Variants in SLC24A2 observed in about 807,000 individuals in gnomAD.
SLC24A2 encodes solute carrier family 24 member 2, also known as sodium/potassium/calcium exchanger 2.
A neutral mutation model predicts 62.0 loss-of-function variants in SLC24A2; 36 were observed. The ratio of observed to expected loss-of-function variants is 0.58; its 90% CI spans 0.44 to 0.77. SLC24A2 has a LOEUF of 0.77. SLC24A2 is among the 30% of genes least tolerant of loss of function. SLC24A2 has a pLI of 0.00. For synonymous variants in SLC24A2, 358 were observed against 294.0 expected, an observed-to-expected ratio of 1.22 and a Z score of -2.23; for missense variants, 846 against 817.9, an observed-to-expected ratio of 1.03 and a Z score of -0.42.
At chr9:20,188,602 C>G in the SLC24A2 span, among the ~76,000 whole-genome samples, 3 of 152,106 alleles carry the variant, frequency 2.0e-5, no homozygotes, top group Non-Finnish European at 2.9e-5. Context: ...CTGAAATGAT[C>G]TTGGTGGGCT....
the SLC24A2 span, among the ~76,000 whole-genome samples, chr9:20,154,603 G>C: frequency 6.6e-6 from 1 of 150,994 alleles, no homozygotes; most frequent in Admixed American, 6.6e-5. Context: ...GTAAGGTGTA[G>C]TTATAACCAT....
At chr9:19,727,209 A>G (rs1821197375) in intron 2 of SLC24A2, among the ~76,000 whole-genome samples, 1 of 152,218 alleles carries the variant, frequency 6.6e-6, no homozygotes, top group Non-Finnish European at 1.5e-5. Flanking sequence ...TTAAGTTGAC[A>G]TACATATTAG....
At chr9:19,720,511 T>C (rs920416877) in intron 2 of SLC24A2, among the ~76,000 whole-genome samples, 18 of 152,166 alleles carry the variant, frequency 1.2e-4, no homozygotes, top group African/African-American at 4.3e-4. Context: ...ACACACGGAT[T>C]ATGAGCCCTG....
chr9:20,232,295 G>A, the SLC24A2 span, among the ~76,000 whole-genome samples: 1 of 152,210 alleles, frequency 6.6e-6, no homozygotes, highest in South Asian at 2.1e-4. Flanking sequence ...GATTGGAATA[G>A]TTTCAGAAGG....
intron 2 of SLC24A2, among the ~76,000 whole-genome samples, chr9:19,747,156 TCA>T (rs1306044762): frequency 6.6e-6 from 1 of 152,238 alleles, no homozygotes; most frequent in African/African-American, 2.4e-5. Flanking sequence ...TTTTTAATAT[TCA>T]CACTTACTTG....
At chr9:20,134,092 T>A in the SLC24A2 span, among the ~76,000 whole-genome samples, 1 of 152,046 alleles carries the variant, frequency 6.6e-6, no homozygotes, top group African/African-American at 2.4e-5. Context: ...ATGAAAACTA[T>A]GATATCGATG....
intron 7 of SLC24A2, among the ~76,000 whole-genome samples, chr9:19,572,067 C>T (rs184824590): frequency 2.3e-3 from 342 of 148,476 alleles, no homozygotes; most frequent in Non-Finnish European, 3.8e-3. Context: ...GTCAGAAGTT[C>T]GAGACCAGCC....
At chr9:19,887,100 C>T in the SLC24A2 span, among the ~76,000 whole-genome samples, 14 of 152,068 alleles carry the variant, frequency 9.2e-5, no homozygotes, top group East Asian at 3.9e-4. Context: ...ATGCGTGCTG[C>T]GCTTAATACC....
chr9:19,800,195 G>A, the SLC24A2 span, among the ~76,000 whole-genome samples: 1 of 152,148 alleles, frequency 6.6e-6, no homozygotes, highest in African/African-American at 2.4e-5. Context: ...GGGCATGAAT[G>A]TGGAAGGCAT....
intron 2 of SLC24A2, among the ~76,000 whole-genome samples, chr9:19,671,953 G>A (rs1197309123): frequency 6.8e-6 from 1 of 146,146 alleles, no homozygotes; most frequent in African/African-American, 2.7e-5. Context: ...GGTTTGGTTA[G>A]CTAGTATTTT....
At chr9:19,566,849 C>G (rs1477599112) in intron 7 of SLC24A2, among the ~76,000 whole-genome samples, 6 of 151,860 alleles carry the variant, frequency 4.0e-5, no homozygotes, top group African/African-American at 9.7e-5. Flanking sequence ...TCTCAGCAAA[C>G]TATCGCAAGA....
the SLC24A2 span, among the ~76,000 whole-genome samples, chr9:19,853,955 G>A: frequency 6.6e-6 from 1 of 152,128 alleles, no homozygotes; most frequent in African/African-American, 2.4e-5. Context: ...CTTGTTGGTA[G>A]GCTATGTATT....
the SLC24A2 span, among the ~76,000 whole-genome samples, chr9:20,074,591 A>AAGGG: frequency 1.1e-5 from 1 of 91,968 alleles, no homozygotes; most frequent in Admixed American, 1.2e-4. Context: ...GGAAGGAAGG[A>AAGGG]AGGAAGGAAG....
At chr9:20,168,075 A>C in the SLC24A2 span, among the ~76,000 whole-genome samples, 1 of 152,016 alleles carries the variant, frequency 6.6e-6, no homozygotes, top group South Asian at 2.1e-4. Flanking sequence ...CAAATGGTAC[A>C]GAAAAAATGT....
intron 4 of SLC24A2, among the ~76,000 whole-genome samples, chr9:19,614,065 T>C (rs914001198): frequency 4.6e-5 from 7 of 152,176 alleles, no homozygotes; most frequent in Non-Finnish European, 8.8e-5. Flanking sequence ...TAGGAGAAGA[T>C]ACTTCTCACT....
the SLC24A2 span, among the ~76,000 whole-genome samples, chr9:19,902,964 C>CACT: frequency 6.6e-6 from 1 of 151,852 alleles, no homozygotes; most frequent in Non-Finnish European, 1.5e-5. Flanking sequence ...TTACTCTAGG[C>CACT]AAAGTGAGGA....
chr9:20,082,707 T>C, the SLC24A2 span, among the ~76,000 whole-genome samples: 4 of 152,366 alleles, frequency 2.6e-5, no homozygotes, highest in East Asian at 7.7e-4. Context: ...GCTCTGTGCT[T>C]CCCACCTCTA....
At chr9:19,936,327 A>AG in the SLC24A2 span, among the ~76,000 whole-genome samples, 1 of 152,160 alleles carries the variant, frequency 6.6e-6, no homozygotes, top group African/African-American at 2.4e-5. Context: ...AGGCTGGAGT[A>AG]GGGTGACATG....
At chr9:20,003,495 C>CT in the SLC24A2 span, among the ~76,000 whole-genome samples, 68 of 151,346 alleles carry the variant, frequency 4.5e-4, 2 homozygotes, top group South Asian at 0.013. Flanking sequence ...TCAGGAAATC[C>CT]TTTTTTTTTA....
Sources: gnomAD v4.1 joint callset for allele counts (sites outside exome capture counted in the v4.1 genomes callset) on GRCh38, gnomAD v4.1.1 for gene constraint, MANE v1.5 for transcripts, NCBI Gene and HGNC (gene_info 2026-07-23, HGNC 2026-07-21) for gene names.